NDUFAF6: variants seen among roughly 807,000 people sequenced by gnomAD.
NDUFAF6 encodes the protein NADH:ubiquinone oxidoreductase complex assembly factor 6, also known as NADH dehydrogenase (ubiquinone) complex I, assembly factor 6.
Under a neutral mutation model 40.8 loss-of-function variants are expected in NDUFAF6, and 45 were observed. That is an observed-to-expected ratio of 1.10 (90% CI 0.87 to 1.42). NDUFAF6 has a LOEUF of 1.42. Among genes scored for constraint, NDUFAF6 ranks in the 40% most tolerant of loss-of-function variants. The probability of loss-of-function intolerance (pLI) is 0.00; values close to 1 mark genes in which losing one functional copy is unlikely to be tolerated. For missense variants in NDUFAF6, 435 were observed against 418.5 expected, an observed-to-expected ratio of 1.04 and a Z score of -0.34; for synonymous variants, 185 against 155.9, an observed-to-expected ratio of 1.19 and a Z score of -1.39.
chr8:94,964,698 C>T (rs947487890), intron 1 of NDUFAF6, among the ~76,000 whole-genome samples: 2 of 152,204 alleles, frequency 1.3e-5, no homozygotes, highest in Non-Finnish European at 2.9e-5. Flanking sequence ...TGAGAACTCA[C>T]TCATCACCAA....
chr8:94,974,077 C>T lies in NDUFAF6; in HGVS notation c.-198-6782C>T, dbSNP rs553048292. Among the ~76,000 whole-genome samples the T allele has an allele frequency of 1.6e-3, 240 of 152,196 alleles. 1 individual carries two copies. Among genetic ancestry groups the T allele is most frequent in the African/African-American group, 5.6e-3 (231 of 41,526 alleles). On this transcript the variant is annotated intron_variant, in intron 1 of 9. Coordinates refer to the NDUFAF6 transcript ENST00000396111. ...TCCAGAAAGCCACTCAGCCAGTCCT[C>T]AAGGTTAGAGCAGGAACATCATACC...
upstream of NDUFAF6, among the ~76,000 whole-genome samples, chr8:94,954,753 G>A (rs1367586587): frequency 6.6e-6 from 1 of 152,194 alleles, no homozygotes; most frequent in Admixed American, 6.5e-5. Flanking sequence ...GGTATCTGAT[G>A]GTGACCTGAC....
intron 3 of NDUFAF6, among the ~76,000 whole-genome samples, chr8:95,036,845 T>C (rs1256280719): frequency 1.3e-5 from 2 of 152,266 alleles, no homozygotes; most frequent in African/African-American, 4.8e-5. Context: ...TGATGGTTAA[T>C]GTTGGCTGGC....
chr8:95,045,962 T>C (rs1372848244), intron 5 of NDUFAF6, among the ~76,000 whole-genome samples: 1 of 152,154 alleles, frequency 6.6e-6, no homozygotes, highest in East Asian at 1.9e-4. Context: ...GGAAGGCCTA[T>C]AGCCTGACTC....
chr8:94,902,247 T>TAAAA (rs1818070038), intron 1 of NDUFAF6, among the ~76,000 whole-genome samples: 4 of 43,588 alleles, frequency 9.2e-5, no homozygotes, highest in Non-Finnish European at 1.8e-4. Flanking sequence ...GATGAAACTC[T>TAAAA]ATCAAAAAAA....
rs772155217 is a variant in NDUFAF6 at position 94,930,633 on chromosome 8, C to T, written c.-935-14850C>T. On this transcript the variant is annotated intron_variant, in intron 1 of 14. Coordinates refer to the NDUFAF6 transcript ENST00000396113. ...GTGTTCTTTTATCCACTGGGAAGGG[C>T]GAAAGCTCTTGGGTTGTTCCAGAAA... 1.4e-5 allele frequency: 23 copies of T among 1,614,026 alleles called. No individual in the cohort carries two copies. The East Asian group carries it at 2.0e-4, about 14-fold the overall frequency.
intron 1 of NDUFAF6, among the ~76,000 whole-genome samples, chr8:94,933,004 G>C (rs2131324501): frequency 6.6e-6 from 1 of 152,256 alleles, no homozygotes; most frequent in African/African-American, 2.4e-5. Context: ...ATCACTTGAG[G>C]TCAGGAGTTT....
At chr8:94,943,286 G>GA (rs1465024952) in intron 1 of NDUFAF6, among the ~76,000 whole-genome samples, 1 of 151,950 alleles carries the variant, frequency 6.6e-6, no homozygotes, top group East Asian at 1.9e-4. Context: ...CCTAGGAGTT[G>GA]GAGACCAGCC....
chr8:94,988,677 G>C (rs1410550241), intron 2 of NDUFAF6: 2 of 152,220 alleles, frequency 1.3e-5, no homozygotes, highest in African/African-American at 4.8e-5. Context: ...ATGGGACCTA[G>C]TAGATTTAAT....
intron 1 of NDUFAF6, among the ~76,000 whole-genome samples, chr8:94,921,731 A>G (rs1819516109): frequency 6.6e-6 from 1 of 152,236 alleles, no homozygotes; most frequent in Non-Finnish European, 1.5e-5. Flanking sequence ...GCAGATTAAC[A>G]TCCTTCAGTA....
intron 2 of NDUFAF6, among the ~76,000 whole-genome samples, chr8:95,092,592 T>A (rs1809293900): frequency 7.1e-6 from 1 of 141,816 alleles, no homozygotes; most frequent in East Asian, 2.1e-4. Flanking sequence ...TTTTTTTTTT[T>A]TTTTTTTTTT....
chr8:94,985,506 TATA>T (rs1825806835), intron 2 of NDUFAF6, among the ~76,000 whole-genome samples: 1 of 6,762 alleles, frequency 1.5e-4, no homozygotes, highest in Non-Finnish European at 2.5e-4. Flanking sequence ...TATATATATA[TATA>T]TATATATTTT....
chr8:95,100,394 A>G (rs2132075661), exon 1 of NDUFAF6: 1 of 152,308 alleles, frequency 6.6e-6, no homozygotes, highest in East Asian at 1.9e-4. Flanking sequence ...CTTAAAGAAG[A>G]GGAAAAAGTT....
intron 2 of NDUFAF6, chr8:94,949,088 C>G (rs961513310): frequency 6.7e-6 from 1 of 148,374 alleles, no homozygotes; most frequent in Non-Finnish European, 1.5e-5. Flanking sequence ...GCGGGCAGCG[C>G]TGCGGCCCCA....
At chr8:95,053,473 G>T (rs535993121) in intron 8 of NDUFAF6, among the ~76,000 whole-genome samples, 31 of 152,192 alleles carry the variant, frequency 2.0e-4, no homozygotes, top group Admixed American at 2.0e-3. Context: ...TGTGGAAAAA[G>T]GTGGTTCTCA....
rs11422482 is a variant in NDUFAF6, at chr8:95,004,349, C to CTTTT, written c.-84+23396_-84+23399dup. On this transcript the variant is annotated intron_variant, in intron 2 of 9. Transcript: ENST00000396111. ...GTATTTTCTGAGTGTCTCACCATTACTTTTTTTTTTTTTTTTTTTTTTTGA... is the reference window on the plus strand; with the variant it reads ...GTATTTTCTGAGTGTCTCACCATTACTTTTTTTTTTTTTTTTTTTTTTTTTTTGA... Among the ~76,000 whole-genome samples, 110 of 92,392 alleles carry CTTTT rather than the reference C, an allele frequency of 1.2e-3. 3 individuals are homozygous for CTTTT. The highest frequency in any genetic ancestry group is 2.7e-3 in the African/African-American group (56 of 20,528). The allele number at this position is 92,392 out of a possible 152,430, so 60.6% of individuals were successfully genotyped here.
At chr8:95,087,290 T>C (rs1809083849) in intron 2 of NDUFAF6, among the ~76,000 whole-genome samples, 1 of 152,200 alleles carries the variant, frequency 6.6e-6, no homozygotes, top group Non-Finnish European at 1.5e-5. Flanking sequence ...ACTGACTGCT[T>C]CTTATACATT....
At chr8:95,095,902 C>A (rs932888298), upstream of NDUFAF6, among the ~76,000 whole-genome samples, 1 of 152,068 alleles carries the variant, frequency 6.6e-6, no homozygotes, top group African/African-American at 2.4e-5. Flanking sequence ...TGGCCTCAAG[C>A]GATCCGCCTG....
At chr8:95,045,165 C>G (rs1830589804) in intron 4 of NDUFAF6, among the ~76,000 whole-genome samples, 1 of 152,058 alleles carries the variant, frequency 6.6e-6, no homozygotes, top group Non-Finnish European at 1.5e-5. Context: ...GTATTAATTC[C>G]TTATCTCTTG....
Sources: gnomAD v4.1 joint callset for allele counts (sites outside exome capture counted in the v4.1 genomes callset) on GRCh38, gnomAD v4.1.1 for gene constraint, MANE v1.5 for transcripts, NCBI Gene and HGNC (gene_info 2026-07-23, HGNC 2026-07-21) for gene names.